KCNMB2: variants seen among roughly 807,000 people sequenced by gnomAD.
KCNMB2 encodes the protein calcium-activated potassium channel subunit beta-2.
Under a neutral mutation model 24.5 loss-of-function variants are expected in KCNMB2, and 9 were observed. That is an observed-to-expected ratio of 0.37 (90% CI 0.22 to 0.64). KCNMB2 has a LOEUF of 0.64. Among genes scored for constraint, KCNMB2 ranks in the 30% least tolerant of loss-of-function variants. The pLI is 0.63. For synonymous variants in KCNMB2, 109 were observed against 104.4 expected (o/e 1.04, Z -0.27); for missense variants, 226 against 284.3 (o/e 0.79, Z 1.47).
intron 4 of KCNMB2, among the ~76,000 whole-genome samples, chr3:178,835,449 C>T (rs1715190846): frequency 6.6e-6 from 1 of 152,164 alleles, no homozygotes; most frequent in South Asian, 2.1e-4. Context: ...TCTCGACTCA[C>T]CTGTTTATCA....
At chr3:178,694,010 C>T (rs540908418) in intron 1 of KCNMB2, among the ~76,000 whole-genome samples, 96 of 151,588 alleles carry the variant, frequency 6.3e-4, no homozygotes, top group African/African-American at 2.3e-3. Context: ...GTATTAGTCT[C>T]TTCTCATGTT....
intron 1 of KCNMB2, among the ~76,000 whole-genome samples, chr3:178,722,061 A>G (rs1219456331): frequency 6.6e-6 from 1 of 152,106 alleles, no homozygotes; most frequent in Non-Finnish European, 1.5e-5. Flanking sequence ...TTTCATTTTG[A>G]TAAAGTACAA....
intron 1 of KCNMB2, among the ~76,000 whole-genome samples, chr3:178,576,818 T>A (rs1032855534): frequency 6.6e-6 from 1 of 152,190 alleles, no homozygotes; most frequent in African/African-American, 2.4e-5. Context: ...GCAGGGCATC[T>A]CTGAAAGAAA....
chr3:178,744,634 C>G (rs527944600), intron 1 of KCNMB2, among the ~76,000 whole-genome samples: 34 of 152,050 alleles, frequency 2.2e-4, no homozygotes, highest in African/African-American at 6.8e-4. Context: ...GGCTCAGTGT[C>G]ATGCTTGGAA....
intron 1 of KCNMB2, among the ~76,000 whole-genome samples, chr3:178,588,118 T>G (rs1462567583): frequency 1.3e-5 from 2 of 152,058 alleles, no homozygotes; most frequent in Admixed American, 1.3e-4. Context: ...AGGCTCTTTC[T>G]GACCTACTAA....
At chr3:178,708,577 C>G (rs1299854702) in intron 1 of KCNMB2, among the ~76,000 whole-genome samples, 1 of 151,992 alleles carries the variant, frequency 6.6e-6, no homozygotes, top group Non-Finnish European at 1.5e-5. Context: ...CATAGTGTGG[C>G]CTTAGAGTGG....
At chr3:178,813,566 C>A (rs1714278536) in intron 2 of KCNMB2, among the ~76,000 whole-genome samples, 1 of 152,038 alleles carries the variant, frequency 6.6e-6, no homozygotes, top group African/African-American at 2.4e-5. Flanking sequence ...CTACAAATAA[C>A]AATGTTTCTT....
At chr3:178,718,838 C>G (rs1455505254) in intron 1 of KCNMB2, among the ~76,000 whole-genome samples, 1 of 152,052 alleles carries the variant, frequency 6.6e-6, no homozygotes, top group African/African-American at 2.4e-5. Context: ...ATGGTCATAC[C>G]AACATCAGAG....
At chr3:178,589,821 CT>C (rs1717594337) in intron 1 of KCNMB2, among the ~76,000 whole-genome samples, 1 of 152,196 alleles carries the variant, frequency 6.6e-6, no homozygotes, top group Non-Finnish European at 1.5e-5. Flanking sequence ...AGTTTTAAAA[CT>C]TTGGACGCAG....
At chr3:178,682,506 A>G (rs1218632823) in intron 1 of KCNMB2, among the ~76,000 whole-genome samples, 3 of 152,204 alleles carry the variant, frequency 2.0e-5, no homozygotes, top group Non-Finnish European at 4.4e-5. Context: ...ACACTGTCCA[A>G]TAGAAATTTG....
In KCNMB2 at chr3:178,608,096, A is replaced by C. The variant is rs376779628; in HGVS notation, c.-68+71385A>C. On this transcript the variant is annotated intron_variant, in intron 1 of 4. Transcript: ENST00000452583. Reference sequence around the variant, plus strand: ...TAGTCACAGGATAGAGAGACTTTGAAAGAGGTAAGAGCAAAATAGACAAAA... The same window carrying C: ...TAGTCACAGGATAGAGAGACTTTGACAGAGGTAAGAGCAAAATAGACAAAA... 5.3e-5 allele frequency among the ~76,000 whole-genome samples: 8 copies of C among 152,350 alleles called. No individual in the cohort carries two copies. In the East Asian group the frequency reaches 1.5e-3, roughly 29 times the overall value.
At chr3:178,636,653 C>T (rs1719534720) in intron 1 of KCNMB2, among the ~76,000 whole-genome samples, 1 of 152,186 alleles carries the variant, frequency 6.6e-6, no homozygotes, top group South Asian at 2.1e-4. Context: ...GGGACAAATA[C>T]ACAAAACTGC....
At chr3:178,756,609 A>G (rs1006529823) in intron 1 of KCNMB2, among the ~76,000 whole-genome samples, 2 of 152,128 alleles carry the variant, frequency 1.3e-5, no homozygotes, top group African/African-American at 2.4e-5. Context: ...CCTCAGAACA[A>G]TGTTGTCCAT....
At chr3:178,616,813 C>T (rs1423075287) in intron 1 of KCNMB2, among the ~76,000 whole-genome samples, 1 of 152,130 alleles carries the variant, frequency 6.6e-6, no homozygotes, top group Non-Finnish European at 1.5e-5. Context: ...AGGGAGTAAA[C>T]TTCCATGATA....
At chr3:178,825,782 C>T (rs1418254290) in intron 3 of KCNMB2, 24 bp downstream of exon 3, 10 of 1,578,282 alleles carry the variant, frequency 6.3e-6, no homozygotes, top group Non-Finnish European at 8.7e-6. Flanking sequence ...GTGGGTGGGA[C>T]CCTGCTGTTT....
intron 1 of KCNMB2, among the ~76,000 whole-genome samples, chr3:178,607,105 G>T (rs765106755): frequency 9.2e-5 from 14 of 152,166 alleles, no homozygotes; most frequent in Non-Finnish European, 2.1e-4. Context: ...CAGGTCCAAG[G>T]TCAGATTTAG....
intron 1 of KCNMB2, among the ~76,000 whole-genome samples, chr3:178,782,173 C>T (rs1416903497): frequency 8.5e-6 from 1 of 117,536 alleles, no homozygotes; most frequent in East Asian, 2.3e-4. Flanking sequence ...GCCACATTTT[C>T]TTAATCCAGT....
chr3:178,664,134 C>T (rs1184967112), intron 1 of KCNMB2, among the ~76,000 whole-genome samples: 1 of 152,100 alleles, frequency 6.6e-6, no homozygotes, highest in African/African-American at 2.4e-5. Context: ...AATGCTCATC[C>T]TCATTCAGAG....
chr3:178,762,469 G>A (rs990887829), intron 1 of KCNMB2, among the ~76,000 whole-genome samples: 7 of 152,162 alleles, frequency 4.6e-5, no homozygotes, highest in African/African-American at 9.7e-5. Context: ...GGCCTATGGG[G>A]AATTCAGATT....
Sources: gnomAD v4.1 joint callset for allele counts (sites outside exome capture counted in the v4.1 genomes callset) on GRCh38, gnomAD v4.1.1 for gene constraint, MANE v1.5 for transcripts, NCBI Gene and HGNC (gene_info 2026-07-23, HGNC 2026-07-21) for gene names.